SLC35F1: variants seen among roughly 807,000 people sequenced by gnomAD.
The protein encoded by SLC35F1 is solute carrier family 35 member F1, also known as chromosome 6 open reading frame 169.
In SLC35F1, 14 loss-of-function variants were observed where a neutral mutation model predicts 48.7. That is an observed-to-expected ratio of 0.29 (90% CI 0.19 to 0.45). The LOEUF (loss-of-function observed/expected upper bound fraction) is 0.45. SLC35F1 is among the 20% of genes least tolerant of loss of function. SLC35F1 has a pLI of 1.00. For synonymous variants in SLC35F1, 190 were observed against 202.2 expected (o/e 0.94, Z 0.51); for missense variants, 404 against 500.0 (o/e 0.81, Z 1.83).
intron 1 of SLC35F1, among the ~76,000 whole-genome samples, chr6:118,114,631 C>T (rs1439620087): frequency 6.6e-6 from 1 of 152,100 alleles, no homozygotes; most frequent in Non-Finnish European, 1.5e-5. Context: ...CCACCTTGGC[C>T]TCCCAAAGTG....
intron 1 of SLC35F1, among the ~76,000 whole-genome samples, chr6:118,077,327 A>C (rs1018303552): frequency 2.6e-5 from 4 of 152,238 alleles, no homozygotes. Flanking sequence ...AGATCCATGT[A>C]GAACTCCTGA....
chr6:118,186,357 C>T (rs566433804), intron 2 of SLC35F1, among the ~76,000 whole-genome samples: 1 of 151,826 alleles, frequency 6.6e-6, no homozygotes, highest in Admixed American at 6.6e-5. Context: ...GATAATAGCG[C>T]CCCCACCCCC....
intron 1 of SLC35F1, among the ~76,000 whole-genome samples, chr6:117,971,393 G>A (rs904388337): frequency 2.0e-5 from 3 of 152,200 alleles, no homozygotes; most frequent in African/African-American, 7.2e-5. Flanking sequence ...AGTGTCTGTG[G>A]CCTTTCCAGG....
rs559883758 is a variant in SLC35F1, at chr6:118,223,218, A to G, written c.350-12291A>G. ...ACATGATTTTTATGGTGAATACTTT[A>G]TAATAAAAAGCCAGGAGAGACCTCG... On this transcript the variant is annotated intron_variant, in intron 2 of 7. Coordinates refer to ENST00000360388, the MANE Select transcript of SLC35F1 (RefSeq NM_001029858.4). Among the ~76,000 whole-genome samples the G allele has an allele frequency of 2.6e-4, 39 of 152,364 alleles. 1 individual carries two copies. In the South Asian group the frequency reaches 7.9e-3, roughly 31 times the overall value.
At chr6:117,952,076 C>T (rs1309005564) in intron 1 of SLC35F1, among the ~76,000 whole-genome samples, 1 of 152,172 alleles carries the variant, frequency 6.6e-6, no homozygotes, top group East Asian at 1.9e-4. Context: ...ATGTATCTCT[C>T]TCATTTTGTT....
At chr6:117,952,920 T>C (rs1776382497) in intron 1 of SLC35F1, among the ~76,000 whole-genome samples, 2 of 152,314 alleles carry the variant, frequency 1.3e-5, no homozygotes, top group South Asian at 4.1e-4. Context: ...CAAAAAATTA[T>C]TTCAAACAAA....
At chr6:118,011,630 T>C (rs141359759) in intron 1 of SLC35F1, among the ~76,000 whole-genome samples, 5 of 152,272 alleles carry the variant, frequency 3.3e-5, no homozygotes, top group African/African-American at 1.2e-4. Context: ...AGGGTTGTGC[T>C]CCTATAAGAA....
intron 1 of SLC35F1, among the ~76,000 whole-genome samples, chr6:117,937,250 T>A (rs578178058): frequency 2.0e-5 from 3 of 152,326 alleles, no homozygotes; most frequent in Non-Finnish European, 2.9e-5. Flanking sequence ...ATAATGCTGA[T>A]TATTAGCTTT....
chr6:118,154,313 TG>T, intron 1 of SLC35F1, 131 bp from the exon 2 acceptor site: 1 of 722,822 alleles, frequency 1.4e-6, no homozygotes, highest in South Asian at 2.5e-5. Flanking sequence ...ATTGCTTTGA[TG>T]GACTAAAGGG....
intron 1 of SLC35F1, among the ~76,000 whole-genome samples, chr6:118,089,783 G>A (rs1773045935): frequency 2.0e-5 from 3 of 152,130 alleles, no homozygotes; most frequent in South Asian, 4.1e-4. Flanking sequence ...GGATGACAGG[G>A]CTTCATGTTA....
At chr6:118,114,666 G>A (rs1163508045) in intron 1 of SLC35F1, among the ~76,000 whole-genome samples, 1 of 152,004 alleles carries the variant, frequency 6.6e-6, no homozygotes, top group African/African-American at 2.4e-5. Context: ...GTGAGCTACC[G>A]CGCCTGGCCA....
intron 1 of SLC35F1, among the ~76,000 whole-genome samples, chr6:118,105,091 T>G (rs140605381): frequency 6.6e-5 from 10 of 152,162 alleles, no homozygotes; most frequent in Non-Finnish European, 1.5e-4. Flanking sequence ...GCATCTGTGG[T>G]TCCTCAGAGT....
Position 117,907,752 on chromosome 6 carries a change from A to AGCAGCT in SLC35F1, c.32_37dup (p.Leu11_Gln12dup). Reference sequence around the variant, plus strand: ...ATGATCCCCCCTGAGCAGCCGCAGCAGCAGCTGCAGCCGCCGTCGCCAGCC... The same window carrying AGCAGCT: ...ATGATCCCCCCTGAGCAGCCGCAGCAGCAGCTGCAGCTGCAGCCGCCGTCGCCAGCC... On this transcript the variant is annotated inframe_insertion, in exon 1 of 8. Transcript: ENST00000360388. The AGCAGCT allele has an allele frequency of 1.9e-6, 3 of 1,549,716 alleles. No homozygotes were observed. The highest frequency in any genetic ancestry group is 2.3e-5 in the South Asian group (2 of 87,674).
intron 1 of SLC35F1, among the ~76,000 whole-genome samples, chr6:118,031,934 T>C (rs1370750919): frequency 1.3e-5 from 2 of 152,180 alleles, no homozygotes; most frequent in Non-Finnish European, 2.9e-5. Context: ...GCTTCTGCCC[T>C]GTCCCTGTTT....
chr6:117,922,228 GA>G (rs1582562928), intron 1 of SLC35F1, among the ~76,000 whole-genome samples: 2 of 152,168 alleles, frequency 1.3e-5, no homozygotes, highest in East Asian at 3.9e-4. Context: ...AAAGCTAAGA[GA>G]GTTGTATGGT....
chr6:118,031,835 T>C (rs1025615173), intron 1 of SLC35F1, among the ~76,000 whole-genome samples: 4 of 152,138 alleles, frequency 2.6e-5, no homozygotes, highest in African/African-American at 9.7e-5. Flanking sequence ...ATCGGGTCAT[T>C]GCTATGGAAA....
intron 7 of SLC35F1, among the ~76,000 whole-genome samples, chr6:118,292,751 C>T (rs1776140537): frequency 6.6e-6 from 1 of 151,778 alleles, no homozygotes; most frequent in South Asian, 2.1e-4. Context: ...CATCATTCCG[C>T]TGTCTGCAAC....
chr6:117,907,797 C>G lies in SLC35F1; in HGVS notation c.71C>G (p.Thr24Ser). 1 of 1,558,536 alleles carries G rather than the reference C, an allele frequency of 6.4e-7. No individual in the cohort carries two copies. Among genetic ancestry groups the G allele is most frequent in the Non-Finnish European group, 8.6e-7 (1 of 1,161,544 alleles). ...CCAGCCCCGCCGAACCATGTGGTGA[C>G]CACCATCGAGAACCTGCCGGCCGAG... ...PSPAPPNHVV[T>S]TIENLPAEGS... The change falls in exon 1 of 8, where the codon ACC becomes AGC. Residue 24 changes from threonine to serine, a missense_variant. By Grantham distance (58) the Thr-to-Ser change is moderately conservative (BLOSUM62 1). This residue lies in a region of SLC35F1 where 98 missense variants were observed against 81.0 expected (regional missense o/e 1.21). Transcript: ENST00000360388.
chr6:118,232,720 G>A (rs1009886861), intron 2 of SLC35F1, among the ~76,000 whole-genome samples: 6 of 151,914 alleles, frequency 3.9e-5, no homozygotes, highest in African/African-American at 1.5e-4. Flanking sequence ...ACATGGAAAG[G>A]CCCAGAGACA....
Sources: allele counts gnomAD v4.1 joint callset (sites outside exome capture counted in the v4.1 genomes callset), GRCh38; gene constraint gnomAD v4.1.1; regional missense constraint gnomAD v4.1.1; transcripts MANE v1.5; gene names NCBI Gene and HGNC (gene_info 2026-07-23, HGNC 2026-07-21).